Variants in ANK3 observed in about 807,000 individuals in gnomAD.
ANK3 encodes the protein ankyrin 3.
A neutral mutation model predicts 370.9 loss-of-function variants in ANK3; 57 were observed. The observed-to-expected ratio is 0.15, with a 90% CI of 0.12 to 0.19. The LOEUF (loss-of-function observed/expected upper bound fraction) is 0.19, where lower values mean the gene tolerates loss of function less well. ANK3 is among the 10% of genes least tolerant of loss of function. ANK3 has a pLI of 1.00. For synonymous variants in ANK3, 1,929 were observed against 1,946.3 expected, an observed-to-expected ratio of 0.99 and a Z score of 0.23; for missense variants, 4,439 against 5,302.1, an observed-to-expected ratio of 0.84 and a Z score of 5.06.
chr10:60,243,361 TC>T (rs1592336686), intron 7 of ANK3, among the ~76,000 whole-genome samples: 1 of 152,142 alleles, frequency 6.6e-6, no homozygotes, highest in East Asian at 1.9e-4. Flanking sequence ...TTAGATAAGA[TC>T]ATCAGGGTAT....
intron 2 of ANK3, among the ~76,000 whole-genome samples, chr10:60,458,609 G>A (rs892434412): frequency 6.6e-6 from 1 of 152,104 alleles, no homozygotes; most frequent in African/African-American, 2.4e-5. Flanking sequence ...GAAAACAGAG[G>A]TTACTTTTTC....
intron 2 of ANK3, among the ~76,000 whole-genome samples, chr10:60,493,490 T>C (rs1224023936): frequency 1.3e-5 from 2 of 152,100 alleles, no homozygotes; most frequent in East Asian, 3.9e-4. Context: ...CATTCAGTGG[T>C]CATGGATGAC....
At chr10:60,229,391 T>C (rs901064704) in intron 8 of ANK3, among the ~76,000 whole-genome samples, 1 of 152,224 alleles carries the variant, frequency 6.6e-6, no homozygotes, top group Non-Finnish European at 1.5e-5. Flanking sequence ...GACTTTGAAA[T>C]ATTTAATATT....
intron 1 of ANK3, among the ~76,000 whole-genome samples, chr10:60,388,156 GT>G (rs1214148564): frequency 6.6e-6 from 1 of 152,010 alleles, no homozygotes; most frequent in Non-Finnish European, 1.5e-5. Flanking sequence ...CTTAACCCAA[GT>G]TTGTATTTTT....
At chr10:60,061,874 T>C (rs1427696919) in intron 40 of ANK3, 2 of 152,342 alleles carry the variant, frequency 1.3e-5, no homozygotes, top group Admixed American at 6.5e-5. Flanking sequence ...TTTGTGACTC[T>C]TGTTAATCTA....
chr10:60,137,386 A>AAAAAAAAC, intron 24 of ANK3: 1 of 368,420 alleles, frequency 2.7e-6, no homozygotes, highest in Non-Finnish European at 5.3e-6. Context: ...AAAAAAAAAA[A>AAAAAAAAC]AAAAAACAAG....
chr10:60,171,431 T>G (rs931849359), intron 21 of ANK3, among the ~76,000 whole-genome samples: 4 of 152,170 alleles, frequency 2.6e-5, no homozygotes, highest in African/African-American at 9.6e-5. Flanking sequence ...ACAAACTAAT[T>G]TGCAGATGCT....
chr10:60,530,950 G>T (rs947297913), intron 2 of ANK3, among the ~76,000 whole-genome samples: 3 of 152,090 alleles, frequency 2.0e-5, no homozygotes, highest in African/African-American at 7.2e-5. Flanking sequence ...TTACACAAGA[G>T]AACTCTTCAT....
chr10:60,665,666 A>G (rs1007755054), intron 1 of ANK3, among the ~76,000 whole-genome samples: 1 of 152,228 alleles, frequency 6.6e-6, no homozygotes, highest in African/African-American at 2.4e-5. Flanking sequence ...TATTAAGTGT[A>G]TCTTGAGATA....
At chr10:60,263,690 G>T in intron 6 of ANK3, 145 bp downstream of exon 6, 1 of 932,790 alleles carries the variant, frequency 1.1e-6, no homozygotes, top group Non-Finnish European at 1.6e-6. Context: ...TGCCTTCAGT[G>T]GCTAGCTCAG....
intron 17 of ANK3, among the ~76,000 whole-genome samples, chr10:60,184,321 T>C (rs1352209620): frequency 2.0e-5 from 3 of 152,162 alleles, no homozygotes; most frequent in East Asian, 1.9e-4. Flanking sequence ...CAGTTCCTTA[T>C]TGAATAATAA....
At chr10:60,490,884 T>C (rs1387612196) in intron 2 of ANK3, among the ~76,000 whole-genome samples, 1 of 152,140 alleles carries the variant, frequency 6.6e-6, no homozygotes, top group Non-Finnish European at 1.5e-5. Context: ...CAAAACAAAA[T>C]ATAGAGCATC....
At chr10:60,642,301 G>C (rs879914162) in intron 1 of ANK3, among the ~76,000 whole-genome samples, 149 of 148,450 alleles carry the variant, frequency 1.0e-3, no homozygotes, top group Non-Finnish European at 1.3e-3. Flanking sequence ...CAAAGGACTA[G>C]AAATCATGCT....
chr10:60,081,386 A>G (rs7098848), intron 35 of ANK3: 29,412 of 287,250 alleles, frequency 0.1, 1,971 homozygotes, highest in African/African-American at 0.19. Context: ...GTGAGCCACC[A>G]CGCCTGGCCA....
Position 60,198,231 on chromosome 10 carries a change from C to A in ANK3, c.1689+109G>T, listed in dbSNP as rs572695942. 5 of 1,083,102 alleles carry A rather than the reference C, an allele frequency of 4.6e-6. No individual in the cohort carries two copies. In the East Asian group the frequency reaches 1.3e-4, roughly 27 times the overall value. 67.1% of individuals were successfully genotyped at this position (1,083,102 alleles called of 1,614,324 possible). A position where few individuals can be genotyped will look rare whatever the true frequency, so the allele number is the denominator to read the frequency against. On this transcript the variant is annotated intron_variant, in intron 14 of 43. Transcript: ENST00000280772. ...GCCATATTAATGACTACTGTGGGATCGCAAGAATAGATGCTGTTGTGCAGC... is the reference window on the plus strand; with the variant it reads ...GCCATATTAATGACTACTGTGGGATAGCAAGAATAGATGCTGTTGTGCAGC...
intron 1 of ANK3, among the ~76,000 whole-genome samples, chr10:60,301,371 C>A (rs1389681155): frequency 6.7e-6 from 1 of 149,140 alleles, no homozygotes; most frequent in East Asian, 2.0e-4. Flanking sequence ...CACAGATACA[C>A]ACACACACAC....
intron 43 of ANK3, 23 bp downstream of exon 43, chr10:60,042,646 CTGT>C (rs1386973403): frequency 1.3e-6 from 2 of 1,593,136 alleles, no homozygotes; most frequent in South Asian, 2.2e-5. Flanking sequence ...TTAAGTCCTA[CTGT>C]TGTTGATATG....
At chr10:60,264,307 A>C (rs1473516898) in intron 5 of ANK3, among the ~76,000 whole-genome samples, 1 of 152,176 alleles carries the variant, frequency 6.6e-6, no homozygotes, top group African/African-American at 2.4e-5. Flanking sequence ...GTGTACAAAA[A>C]TACTACATAT....
rs371750429 is a variant in ANK3 at position 60,330,115 on chromosome 10, C to A, written c.115-50476G>T. On this transcript the variant is annotated intron_variant, in intron 1 of 43. Transcript: ENST00000280772. ...AAACTGAAACTGAACCCCTTGCTTA[C>A]ACCTTATACAAAAATTAACTCAAGA... Among the ~76,000 whole-genome samples the A allele has an allele frequency of 9.9e-5, 15 of 152,274 alleles. 1 individual carries two copies. In the East Asian group the frequency reaches 2.5e-3, roughly 25 times the overall value.
Sources: allele counts gnomAD v4.1 joint callset (sites outside exome capture counted in the v4.1 genomes callset), GRCh38; gene constraint gnomAD v4.1.1; transcripts MANE v1.5; gene names NCBI Gene and HGNC (gene_info 2026-07-23, HGNC 2026-07-21).